ATP10A: variants seen among roughly 807,000 people sequenced by gnomAD.
The protein encoded by ATP10A is phospholipid-transporting ATPase VA.
A neutral mutation model predicts 147.8 loss-of-function variants in ATP10A; 111 were observed. The observed-to-expected ratio is 0.75, with a 90% CI of 0.64 to 0.88. ATP10A has a LOEUF of 0.88. Among genes scored for constraint, ATP10A ranks in the 40% least tolerant of loss-of-function variants. The pLI, the probability that ATP10A is intolerant of heterozygous loss-of-function variation, is 0.00. For missense variants in ATP10A, 1,927 were observed against 1,959.0 expected, an observed-to-expected ratio of 0.98 and a Z score of 0.31; for synonymous variants, 875 against 841.6, an observed-to-expected ratio of 1.04 and a Z score of -0.69.
chr15:25,850,683 G>A (rs1022420521), intron 1 of ATP10A, among the ~76,000 whole-genome samples: 3 of 149,540 alleles, frequency 2.0e-5, no homozygotes, highest in African/African-American at 4.9e-5. Flanking sequence ...GCCCGGGCAG[G>A]GCGAGACCAC....
intron 1 of ATP10A, among the ~76,000 whole-genome samples, chr15:25,801,992 A>G (rs1368802336): frequency 6.6e-6 from 1 of 152,194 alleles, no homozygotes; most frequent in Non-Finnish European, 1.5e-5. Flanking sequence ...CGCGGAGAAC[A>G]CGAGATCTGC....
intron 16 of ATP10A, among the ~76,000 whole-genome samples, chr15:25,684,626 A>C (rs1170545507): frequency 2.0e-5 from 3 of 152,178 alleles, no homozygotes; most frequent in African/African-American, 7.2e-5. Flanking sequence ...TCACGGTGTG[A>C]GTAAGGAACC....
intron 2 of ATP10A, among the ~76,000 whole-genome samples, chr15:25,779,306 C>T (rs909369605): frequency 2.0e-5 from 3 of 152,214 alleles, no homozygotes; most frequent in African/African-American, 7.2e-5. Context: ...TCTGAGGTTT[C>T]ACCAGTAGAT....
chr15:25,729,513 T>C (rs1205677777), intron 3 of ATP10A, among the ~76,000 whole-genome samples: 1 of 152,090 alleles, frequency 6.6e-6, no homozygotes, highest in African/African-American at 2.4e-5. Context: ...CTCATGTGGG[T>C]TCCTCACACA....
At position 25,679,789 on chromosome 15, in the gene ATP10A, G is replaced by A. The variant is rs777686800; in HGVS notation, c.4052C>T (p.Ser1351Phe). Residue 1351 changes from serine to phenylalanine, a missense_variant, in exon 21 of 21, where the codon TCC (serine) becomes TTC (phenylalanine). Transcript: ENST00000555815. Reference protein sequence around the residue: ...GRTVKTSVPLSQPSWHTQQPV... With the variant: ...GRTVKTSVPLFQPSWHTQQPV... The stretch of plus-strand genomic sequence containing the variant: ...CTGCTGTGTGTGCCAAGAAGGCTGG[G>A]ACAGGGGCACAGAGGTCTTGACTGT... 6.2e-7 allele frequency: 1 copy of A among 1,612,786 alleles called. No individual in the cohort carries two copies. Among genetic ancestry groups the A allele is most frequent in the Non-Finnish European group, 8.5e-7 (1 of 1,179,788 alleles).
intron 1 of ATP10A, among the ~76,000 whole-genome samples, chr15:25,782,504 A>T (rs1445255726): frequency 6.6e-6 from 1 of 152,178 alleles, no homozygotes; most frequent in Non-Finnish European, 1.5e-5. Flanking sequence ...AAATAATTAA[A>T]ACACGTTAAG....
chr15:25,738,389 G>C (rs992674836), intron 2 of ATP10A: 1 of 152,360 alleles, frequency 6.6e-6, no homozygotes, highest in Non-Finnish European at 1.5e-5. Flanking sequence ...TCTACAGATG[G>C]ATGGTGGTGA....
intron 1 of ATP10A, among the ~76,000 whole-genome samples, chr15:25,857,549 A>T (rs1893571591): frequency 6.6e-6 from 1 of 152,204 alleles, no homozygotes; most frequent in Non-Finnish European, 1.5e-5. Context: ...TTACAGGTGA[A>T]ACGTCATGAT....
intron 7 of ATP10A, 104 bp from the exon 8 acceptor site, chr15:25,718,503 A>T (rs1186600312): frequency 4.9e-6 from 6 of 1,214,088 alleles, no homozygotes; most frequent in Non-Finnish European, 6.9e-6. Context: ...CCGGCAGGGC[A>T]GCCCCACAGG....
In ATP10A at chr15:25,713,873, C is replaced by G; in HGVS notation, c.2145G>C (p.Val715=). The change falls in exon 10 of 21, where the codon GTG becomes GTC. Residue 715 remains valine, a synonymous_variant. Transcript: ENST00000555815. ...CTGACACTTGGTCGTGCAGCCGCTC[C>G]ACAAGCACGCAGTTGTAGGCTCTGG... ...YAARAYNCVL[V]ERLHDQVSVE... is the part of the protein sequence containing the mutation. 1 of 1,613,844 alleles carries G rather than the reference C, an allele frequency of 6.2e-7. No homozygotes were observed. The highest frequency in any genetic ancestry group is 8.5e-7 in the Non-Finnish European group (1 of 1,180,052).
At chr15:25,737,717 C>A (rs997436212) in intron 2 of ATP10A, among the ~76,000 whole-genome samples, 2 of 152,144 alleles carry the variant, frequency 1.3e-5, no homozygotes, top group African/African-American at 4.8e-5. Context: ...CCTAACCCCA[C>A]GTAGCTCAGA....
intron 1 of ATP10A, among the ~76,000 whole-genome samples, chr15:25,815,679 CTTAT>C (rs1218416251): frequency 6.6e-6 from 1 of 152,228 alleles, no homozygotes; most frequent in Non-Finnish European, 1.5e-5. Context: ...ATTTGTTAAG[CTTAT>C]TTAATCATTC....
chr15:25,814,264 G>A (rs985094466), intron 1 of ATP10A, among the ~76,000 whole-genome samples: 1 of 152,194 alleles, frequency 6.6e-6, no homozygotes, highest in Non-Finnish European at 1.5e-5. Context: ...AAAACTGCCC[G>A]CCTAGAACTC....
chr15:25,850,913 T>C (rs1893269951), intron 1 of ATP10A, among the ~76,000 whole-genome samples: 1 of 152,174 alleles, frequency 6.6e-6, no homozygotes, highest in African/African-American at 2.4e-5. Flanking sequence ...AGTTCAAATG[T>C]GCGGTGACAG....
At position 25,733,855 on chromosome 15, in the gene ATP10A, C is replaced by T. The variant is rs563420362; in HGVS notation, c.740+2201G>A. Among the ~76,000 whole-genome samples the T allele has an allele frequency of 4.5e-4, 69 of 152,336 alleles. 1 individual carries two copies. Among genetic ancestry groups the T allele is most frequent in the African/African-American group, 1.6e-3 (68 of 41,572 alleles). The stretch of plus-strand genomic sequence containing the variant: ...CTGGGAGAGCTGCTCTTCTCATGTC[C>T]CTTTCTCGGGCAACATGCCGGTGAG... On this transcript the variant is annotated intron_variant, in intron 3 of 20. Coordinates refer to ENST00000555815, the MANE Select transcript of ATP10A (RefSeq NM_024490.4).
chr15:25,787,245 G>T (rs573275412), intron 1 of ATP10A, among the ~76,000 whole-genome samples: 74 of 152,246 alleles, frequency 4.9e-4, no homozygotes, highest in African/African-American at 1.7e-3. Context: ...AAGCAAAAAA[G>T]TTCTTCCATT....
In ATP10A at chr15:25,714,229, A is replaced by T. The variant is rs1183677391; in HGVS notation, c.1789T>A (p.Phe597Ile). The T allele has an allele frequency of 6.3e-7, 1 of 1,599,342 alleles. No individual in the cohort carries two copies. Among genetic ancestry groups the T allele is most frequent in the African/African-American group, 1.3e-5 (1 of 74,856 alleles). ...DQPRTKVRVRFELKSPVKTIE... is the reference protein window; with the variant it reads ...DQPRTKVRVRIELKSPVKTIE... ...GTCTTCACCGGGGACTTCAGCTCAA[A>T]CCTCACCCTCACCTGCAAGAGAAAT... Residue 597 changes from phenylalanine (F) to isoleucine (I), a missense_variant, in exon 10 of 21, where the codon TTT becomes ATT. Phe to Ile is a conservative substitution (Grantham distance 21). Coordinates refer to ENST00000555815, the MANE Select transcript of ATP10A (RefSeq NM_024490.4).
chr15:25,834,049 T>C (rs907421448), intron 1 of ATP10A, among the ~76,000 whole-genome samples: 42 of 152,082 alleles, frequency 2.8e-4, no homozygotes, highest in African/African-American at 9.9e-4. Flanking sequence ...TTTATTATTA[T>C]GCTATTATAT....
intron 3 of ATP10A, among the ~76,000 whole-genome samples, chr15:25,734,195 A>G (rs1219415347): frequency 6.6e-6 from 1 of 152,040 alleles, no homozygotes; most frequent in Admixed American, 6.5e-5. Flanking sequence ...ACCCCAGCAG[A>G]GGGCCGTCAC....
Sources: gnomAD v4.1 joint callset for allele counts (sites outside exome capture counted in the v4.1 genomes callset) on GRCh38, gnomAD v4.1.1 for gene constraint, MANE v1.5 for transcripts, NCBI Gene and HGNC (gene_info 2026-07-23, HGNC 2026-07-21) for gene names.